Variants in PEAK1 observed in about 807,000 individuals in gnomAD.
PEAK1 encodes inactive tyrosine-protein kinase PEAK1.
Under a neutral mutation model 124.7 loss-of-function variants are expected in PEAK1, and 54 were observed. The observed-to-expected ratio is 0.43, with a 90% CI of 0.35 to 0.54. PEAK1 has a LOEUF of 0.54. PEAK1 is among the 20% of genes least tolerant of loss of function. The probability of loss-of-function intolerance (pLI) is 0.01; values close to 1 mark genes in which losing one functional copy is unlikely to be tolerated. For synonymous variants in PEAK1, 719 were observed against 760.0 expected, an observed-to-expected ratio of 0.95 and a Z score of 0.89; for missense variants, 2,046 against 2,134.5, an observed-to-expected ratio of 0.96 and a Z score of 0.82.
chr15:77,357,082 C>T (rs570100037), intron 2 of PEAK1, among the ~76,000 whole-genome samples: 17 of 152,216 alleles, frequency 1.1e-4, no homozygotes, highest in African/African-American at 3.9e-4. Context: ...GCCTTGACAA[C>T]GTAAGAGGAC....
intron 5 of PEAK1, among the ~76,000 whole-genome samples, chr15:77,273,673 A>G (rs147557008): frequency 6.6e-6 from 1 of 152,340 alleles, no homozygotes; most frequent in Non-Finnish European, 1.5e-5. Context: ...ATGGATGGGT[A>G]GAATCAATAT....
intron 8 of PEAK1, among the ~76,000 whole-genome samples, chr15:77,134,159 C>G (rs1382057695): frequency 1.3e-5 from 2 of 152,178 alleles, no homozygotes; most frequent in Admixed American, 1.3e-4. Flanking sequence ...AAAGAAAATA[C>G]TTGGGAGCTT....
At chr15:77,202,259 C>T (rs771722564) in intron 6 of PEAK1, among the ~76,000 whole-genome samples, 2 of 152,118 alleles carry the variant, frequency 1.3e-5, no homozygotes, top group Admixed American at 1.3e-4. Context: ...GATCCTTGAA[C>T]AACATGGGTT....
chr15:77,166,114 TAAAC>T lies in PEAK1; in HGVS notation c.3138-7422_3138-7419del, dbSNP rs749798179. On this transcript the variant is annotated intron_variant, in intron 7 of 9. Transcript: ENST00000682557. ...GTATTTTACTTTTGAAAATCCTAAA[TAAAC>T]AAACCAAAAAAGTTAATAATTTACA... 1.2e-3 allele frequency among the ~76,000 whole-genome samples: 187 copies of T among 152,266 alleles called. 3 individuals are homozygous for T. Among genetic ancestry groups the T allele is most frequent in the Non-Finnish European group, 5.1e-4 (35 of 68,004 alleles).
intron 9 of PEAK1, among the ~76,000 whole-genome samples, chr15:77,128,881 T>C (rs549727774): frequency 6.6e-6 from 1 of 152,162 alleles, no homozygotes; most frequent in East Asian, 1.9e-4. Context: ...AATAAGACTT[T>C]TGGAGCTGTT....
chr15:77,180,936 C>G lies in PEAK1; in HGVS notation c.991G>C (p.Gly331Arg). The G allele has an allele frequency of 6.2e-7, 1 of 1,614,126 alleles. No individual in the cohort carries two copies. Among genetic ancestry groups the G allele is most frequent in the African/African-American group, 1.3e-5 (1 of 75,040 alleles). ...GATGACACCATGCTCTGAATGCTTC[C>G]TTGTCCATAAGAGACCACAGAATTT... is the stretch of plus-strand genomic sequence containing the variant. Reference protein sequence around the residue: ...EENSVVSYGQGSIQSMVSSDS... With the variant: ...EENSVVSYGQRSIQSMVSSDS... Residue 331 changes from glycine (G) to arginine (R), a missense_variant, in exon 7 of 10, where the codon GGA (glycine) becomes CGA (arginine). Gly to Arg is a moderately radical substitution (Grantham distance 125). Transcript: ENST00000682557.
At chr15:77,264,504 A>G (rs1466404720) in intron 5 of PEAK1, among the ~76,000 whole-genome samples, 1 of 152,208 alleles carries the variant, frequency 6.6e-6, no homozygotes, top group Non-Finnish European at 1.5e-5. Flanking sequence ...CCCATTCACA[A>G]TTGCTTCAAA....
chr15:77,225,770 A>G (rs950899606), intron 6 of PEAK1, among the ~76,000 whole-genome samples: 17 of 144,882 alleles, frequency 1.2e-4, no homozygotes, highest in Non-Finnish European at 2.3e-4. Flanking sequence ...CGTAATGTTT[A>G]CATTTGAAAT....
intron 1 of PEAK1, among the ~76,000 whole-genome samples, chr15:77,368,617 A>G (rs1454697409): frequency 6.6e-6 from 1 of 152,232 alleles, no homozygotes; most frequent in Non-Finnish European, 1.5e-5. Flanking sequence ...CATAGAAAGC[A>G]ATAAGTAAGA....
At position 77,343,085 on chromosome 15, in the gene PEAK1, T is replaced by C. The variant is rs2066642221; in HGVS notation, c.-603+22078A>G. Among the ~76,000 whole-genome samples, 3 of 152,362 alleles carry C rather than the reference T, an allele frequency of 2.0e-5. No individual in the cohort carries two copies. In the South Asian group the frequency reaches 6.2e-4, roughly 32 times the overall value. ...CATTTTATATTCTCGTCAACAACAA[T>C]GCACAAAGGTTCCAATTTATCCGTG... On this transcript the variant is annotated intron_variant, in intron 2 of 9. Transcript: ENST00000682557.
intron 9 of PEAK1, among the ~76,000 whole-genome samples, chr15:77,117,581 T>C (rs1199958839): frequency 6.6e-6 from 1 of 152,250 alleles, no homozygotes; most frequent in African/African-American, 2.4e-5. Context: ...GACAGCCACC[T>C]GCCACAGCAG....
At chr15:77,257,764 G>A (rs1162615393) in intron 5 of PEAK1, among the ~76,000 whole-genome samples, 2 of 152,024 alleles carry the variant, frequency 1.3e-5, no homozygotes, top group Admixed American at 6.5e-5. Context: ...GGCTTTTGTT[G>A]CCATTGCTTT....
At chr15:77,315,294 G>T (rs1462181229) in intron 2 of PEAK1, among the ~76,000 whole-genome samples, 1 of 152,058 alleles carries the variant, frequency 6.6e-6, no homozygotes, top group Non-Finnish European at 1.5e-5. Flanking sequence ...ATTCTGTAAA[G>T]CTTAAATTGG....
At chr15:77,221,505 G>C (rs1197688575) in intron 6 of PEAK1, among the ~76,000 whole-genome samples, 1 of 152,014 alleles carries the variant, frequency 6.6e-6, no homozygotes, top group African/African-American at 2.4e-5. Flanking sequence ...TGATAGTATT[G>C]CTAAGCCCAG....
chr15:77,300,589 T>G (rs933775695), intron 2 of PEAK1, among the ~76,000 whole-genome samples: 1 of 152,210 alleles, frequency 6.6e-6, no homozygotes, highest in African/African-American at 2.4e-5. Flanking sequence ...TATGATACCT[T>G]TGTCACGATT....
In PEAK1 at chr15:77,158,647, T is replaced by A. The variant is rs1347881775; in HGVS notation, c.3187A>T (p.Thr1063Ser). 1 of 1,614,096 alleles carries A rather than the reference T, an allele frequency of 6.2e-7. No homozygotes were observed. The highest frequency in any genetic ancestry group is 1.7e-5 in the Admixed American group (1 of 60,018). The change falls in exon 8 of 10, where the codon ACT becomes TCT. Residue 1063 changes from threonine to serine, a missense_variant. Physicochemically the swap from Thr to Ser is moderately conservative, Grantham distance 58. Coordinates refer to ENST00000682557, the MANE Select transcript of PEAK1 (RefSeq NM_001385026.1). ...CTGCCATCTTGCTTCCCAACAACAG[T>A]TCTTGGATCCCGAGGAGAAAAATCC... Reference protein sequence around the residue: ...TEDFSPRDPRTVVGKQDGRGC... With the variant: ...TEDFSPRDPRSVVGKQDGRGC...
intron 1 of PEAK1, chr15:77,417,824 T>C (rs1218955569): frequency 2.5e-5 from 25 of 985,352 alleles, no homozygotes; most frequent in Non-Finnish European, 3.0e-5. Flanking sequence ...ATATGAAATG[T>C]GCCAAAGCAT....
At chr15:77,350,198 G>T in intron 2 of PEAK1, 1 of 985,420 alleles carries the variant, frequency 1.0e-6, no homozygotes. Context: ...CAACACTGTT[G>T]TTGGGTAGGT....
intron 5 of PEAK1, among the ~76,000 whole-genome samples, chr15:77,260,320 T>C (rs939391422): frequency 2.0e-5 from 3 of 152,046 alleles, no homozygotes; most frequent in African/African-American, 7.2e-5. Flanking sequence ...TAAAACAAGA[T>C]TAAGGACTCA....
Sources: allele counts gnomAD v4.1 joint callset (sites outside exome capture counted in the v4.1 genomes callset), GRCh38; gene constraint gnomAD v4.1.1; transcripts MANE v1.5; gene names NCBI Gene and HGNC (gene_info 2026-07-23, HGNC 2026-07-21).